LHPP: variants seen among roughly 807,000 people sequenced by gnomAD.
LHPP encodes phospholysine phosphohistidine inorganic pyrophosphate phosphatase.
In LHPP, 24 loss-of-function variants were observed where a neutral mutation model predicts 30.3. The observed-to-expected ratio is 0.79, with a 90% CI of 0.57 to 1.11. LHPP has a LOEUF of 1.11. Ranked by LOEUF, LHPP falls within the 50% of genes most tolerant of loss-of-function variation. The pLI is 0.00. For missense variants in LHPP, 356 were observed against 367.2 expected, an observed-to-expected ratio of 0.97 and a Z score of 0.25; for synonymous variants, 150 against 157.1, an observed-to-expected ratio of 0.95 and a Z score of 0.34.
At chr10:124,545,378 C>G (rs1955309500) in intron 6 of LHPP, among the ~76,000 whole-genome samples, 1 of 152,240 alleles carries the variant, frequency 6.6e-6, no homozygotes, top group African/African-American at 2.4e-5. Context: ...CCCGAATGGT[C>G]ATTGCCACAT....
At position 124,503,994 on chromosome 10, in the gene LHPP, C is replaced by G. The variant is rs1267856866; in HGVS notation, c.624+5866C>G. ...ATCACCTGAGGTCAGAAGTTCCAGA[C>G]CAGCCTGGCCAACATGGCAAAACCC... is the stretch of plus-strand genomic sequence containing the variant. On this transcript the variant is annotated intron_variant, in intron 5 of 6. Coordinates refer to ENST00000368842, the MANE Select transcript of LHPP (RefSeq NM_022126.4). Among the ~76,000 whole-genome samples, 3 of 152,100 alleles carry G rather than the reference C, an allele frequency of 2.0e-5. No individual in the cohort carries two copies. In the East Asian group the frequency reaches 5.8e-4, roughly 29 times the overall value.
intron 6 of LHPP, among the ~76,000 whole-genome samples, chr10:124,587,313 G>A (rs1341984929): frequency 3.9e-5 from 6 of 151,930 alleles, no homozygotes; most frequent in Non-Finnish European, 8.8e-5. Flanking sequence ...GGGATTGCAA[G>A]CATAAGCCAC....
chr10:124,519,695 T>G (rs1349290420), intron 6 of LHPP, among the ~76,000 whole-genome samples: 3 of 152,206 alleles, frequency 2.0e-5, no homozygotes, highest in South Asian at 2.1e-4. Flanking sequence ...CAGTGTTTGG[T>G]TTTCCAGTCC....
chr10:124,473,184 T>C (rs550156044), intron 1 of LHPP, among the ~76,000 whole-genome samples: 27 of 152,212 alleles, frequency 1.8e-4, no homozygotes, highest in African/African-American at 6.0e-4. Context: ...TGGCACAAGT[T>C]ACAAAGCTCA....
chr10:124,500,225 C>A (rs1953858678), intron 5 of LHPP, among the ~76,000 whole-genome samples: 1 of 151,968 alleles, frequency 6.6e-6, no homozygotes, highest in Non-Finnish European at 1.5e-5. Context: ...GTAATCCCAG[C>A]ACTTTGGGAG....
intron 6 of LHPP, among the ~76,000 whole-genome samples, chr10:124,526,637 C>G (rs958820985): frequency 6.6e-6 from 1 of 152,170 alleles, no homozygotes; most frequent in East Asian, 1.9e-4. Flanking sequence ...TCCACACACA[C>G]ACGACCTGCT....
chr10:124,562,802 C>T (rs1388206008), intron 6 of LHPP, among the ~76,000 whole-genome samples: 2 of 151,984 alleles, frequency 1.3e-5, no homozygotes, highest in Non-Finnish European at 2.9e-5. Flanking sequence ...CATGATGGTG[C>T]TCGCCTGTAA....
intron 6 of LHPP, among the ~76,000 whole-genome samples, chr10:124,528,341 G>A (rs2133926762): frequency 6.6e-6 from 1 of 152,272 alleles, no homozygotes; most frequent in Admixed American, 6.5e-5. Flanking sequence ...CTTCCCCACT[G>A]CCTTTATTTA....
chr10:124,490,290 C>T (rs74332637), intron 3 of LHPP: 52 of 211,754 alleles, frequency 2.5e-4, no homozygotes, highest in African/African-American at 1.1e-3. Context: ...AGTCTCCAGA[C>T]CGCTGTGGCA....
chr10:124,517,576 T>C lies in LHPP; in HGVS notation c.716+305T>C, dbSNP rs1481723939. Among the ~76,000 whole-genome samples the C allele has an allele frequency of 6.6e-6, 1 of 152,172 alleles. No homozygotes were observed. The highest frequency in any genetic ancestry group is 1.5e-5 in the Non-Finnish European group (1 of 68,034). On this transcript the variant is annotated intron_variant, in intron 6 of 6. Transcript: ENST00000368842. This position sits in a 1 kb window ranked among gnomAD's most constrained non-coding sequence, Gnocchi z 4.1. ...GGCCCACCAGGGAGTTGGGCCGAATTTGTGCTGCTGTCCCTTTGGCAATTT... is the reference window on the plus strand; with the variant it reads ...GGCCCACCAGGGAGTTGGGCCGAATCTGTGCTGCTGTCCCTTTGGCAATTT...
intron 6 of LHPP, among the ~76,000 whole-genome samples, chr10:124,535,049 C>T (rs1218300695): frequency 1.3e-5 from 2 of 152,154 alleles, no homozygotes; most frequent in African/African-American, 4.8e-5. Context: ...GATTGTGTGG[C>T]CATAGGTGGT....
At chr10:124,545,622 A>T (rs555535200) in intron 6 of LHPP, among the ~76,000 whole-genome samples, 19 of 151,744 alleles carry the variant, frequency 1.3e-4, no homozygotes, top group African/African-American at 3.9e-4. Context: ...CCACGTGGGC[A>T]TGAAAGGCCC....
At chr10:124,527,557 C>T (rs949733054) in intron 6 of LHPP, among the ~76,000 whole-genome samples, 2 of 152,110 alleles carry the variant, frequency 1.3e-5, no homozygotes, top group African/African-American at 4.8e-5. Context: ...TGCCCTTTGC[C>T]CAGGCCCAGC....
chr10:124,480,095 T>G (rs1308034709), intron 1 of LHPP, among the ~76,000 whole-genome samples: 2 of 152,172 alleles, frequency 1.3e-5, no homozygotes, highest in African/African-American at 4.8e-5. Context: ...GTATTAATAT[T>G]TTACTCTTTA....
chr10:124,486,079 T>C (rs966957100), intron 2 of LHPP, among the ~76,000 whole-genome samples: 2 of 152,260 alleles, frequency 1.3e-5, no homozygotes, highest in Non-Finnish European at 2.9e-5. Flanking sequence ...TCATTGGAGT[T>C]TGGTATTTGT....
In LHPP at chr10:124,523,806, C is replaced by T. The variant is rs1466965334; in HGVS notation, c.716+6535C>T. ...GCTTGGGAGCTCACCCCAAGTTCCTCGGGTACTCATCCTGGCAGTGCAGGG... is the reference window on the plus strand; with the variant it reads ...GCTTGGGAGCTCACCCCAAGTTCCTTGGGTACTCATCCTGGCAGTGCAGGG... On this transcript the variant is annotated intron_variant, in intron 6 of 6. Transcript: ENST00000368842. This position sits in a 1 kb window ranked among gnomAD's most constrained non-coding sequence, Gnocchi z 4.2. Among the ~76,000 whole-genome samples the T allele has an allele frequency of 7.2e-5, 11 of 152,138 alleles. No individual in the cohort carries two copies. Among genetic ancestry groups the T allele is most frequent in the African/African-American group, 1.2e-4 (5 of 41,410 alleles).
rs573447980 is a variant in LHPP at position 124,546,699 on chromosome 10, C to T, written c.716+29428C>T. 2.8e-3 allele frequency among the ~76,000 whole-genome samples: 427 copies of T among 151,944 alleles called. 4 individuals carry two copies. Among genetic ancestry groups the T allele is most frequent in the Non-Finnish European group, 4.3e-3 (292 of 67,932 alleles). ...TGCTGGAATTACAGGCGTGAGCCACCGCGCCCGCCTCATGCGGTTGTATCT... is the reference window on the plus strand; with the variant it reads ...TGCTGGAATTACAGGCGTGAGCCACTGCGCCCGCCTCATGCGGTTGTATCT... On this transcript the variant is annotated intron_variant, in intron 6 of 6. Coordinates refer to ENST00000368842, the MANE Select transcript of LHPP (RefSeq NM_022126.4).
chr10:124,539,558 C>T (rs1005446072), intron 6 of LHPP, among the ~76,000 whole-genome samples: 3 of 152,008 alleles, frequency 2.0e-5, no homozygotes, highest in Admixed American at 2.0e-4. Flanking sequence ...GCCAGAAGCT[C>T]GAGACCGCCT....
chr10:124,528,898 G>A (rs558104705), intron 6 of LHPP, among the ~76,000 whole-genome samples: 15 of 152,148 alleles, frequency 9.9e-5, no homozygotes, highest in East Asian at 3.9e-4. Flanking sequence ...GCCTCCCAGC[G>A]TCAGGGATCT....
Sources: allele counts gnomAD v4.1 joint callset (sites outside exome capture counted in the v4.1 genomes callset), GRCh38; gene constraint gnomAD v4.1.1; non-coding constraint Gnocchi (gnomAD v3.1); transcripts MANE v1.5; gene names NCBI Gene and HGNC (gene_info 2026-07-23, HGNC 2026-07-21).